Variants in ABR observed in about 807,000 individuals in gnomAD.
ABR encodes the protein ABR activator of RhoGEF and GTPase, also known as active breakpoint cluster region-related protein.
Under a neutral mutation model 107.2 loss-of-function variants are expected in ABR, and 35 were observed. That is an observed-to-expected ratio of 0.33 (90% CI 0.25 to 0.43). ABR has a LOEUF of 0.43. Among genes scored for constraint, ABR ranks in the 20% least tolerant of loss-of-function variants. ABR has a pLI of 1.00. For synonymous variants in ABR, 498 were observed against 462.0 expected (o/e 1.08, Z -1.00); for missense variants, 815 against 1,115.2 (o/e 0.73, Z 3.83).
At chr17:1,083,761 G>C (rs2036417299) in intron 4 of ABR, 134 bp from the exon 5 acceptor site, 1 of 706,614 alleles carries the variant, frequency 1.4e-6, no homozygotes, top group African/African-American at 1.7e-5. Flanking sequence ...TGGGAACTTG[G>C]GGAAACGCAG....
intron 2 of ABR, among the ~76,000 whole-genome samples, chr17:1,123,204 C>T (rs914676035): frequency 7.9e-5 from 12 of 152,102 alleles, no homozygotes; most frequent in African/African-American, 2.2e-4. Context: ...GCAGGTGCCG[C>T]GGATGGGACC....
intron 16 of ABR, among the ~76,000 whole-genome samples, chr17:1,043,588 G>A (rs1279732582): frequency 3.9e-5 from 6 of 152,158 alleles, no homozygotes; most frequent in African/African-American, 7.2e-5. Context: ...GTACAGTAGC[G>A]CAATCCTTAG....
At chr17:1,217,499 A>G (rs759172304) in intron 1 of ABR, among the ~76,000 whole-genome samples, 30 of 152,286 alleles carry the variant, frequency 2.0e-4, no homozygotes, top group Non-Finnish European at 3.2e-4. Flanking sequence ...GGTATGTTAT[A>G]TACATATTGA....
Position 1,125,205 on chromosome 17 carries a change from G to A in ABR, c.224C>T (p.Pro75Leu), listed in dbSNP as rs760322811. The change falls in exon 2 of 23, where the codon CCA (proline) becomes CTA (leucine). Residue 75 changes from proline (P) to leucine (L), a missense_variant. Physicochemically the swap from Pro to Leu is moderately conservative, Grantham distance 98. This residue lies in a region of ABR where 129 missense variants were observed against 124.8 expected (regional missense o/e 1.03). Transcript: ENST00000302538. Reference protein sequence around the residue: ...QGGGDGVSPTPPEGLAPGVEA... With the variant: ...QGGGDGVSPTLPEGLAPGVEA... ...TACCCCAGGAGCCAGTCCCTCAGGT[G>A]GAGTCGGGGAGACGCCATCCCCCCC... The A allele has an allele frequency of 1.9e-6, 3 of 1,597,608 alleles. No individual in the cohort carries two copies. Among genetic ancestry groups the A allele is most frequent in the Non-Finnish European group, 2.6e-6 (3 of 1,170,450 alleles).
intron 16 of ABR, among the ~76,000 whole-genome samples, chr17:1,032,027 C>T (rs2041968956): frequency 6.6e-6 from 1 of 151,566 alleles, no homozygotes; most frequent in African/African-American, 2.4e-5. Flanking sequence ...GGGTTTCATC[C>T]CTGGCAAGGG....
At chr17:1,215,637 G>C (rs8070433) in intron 1 of ABR, among the ~76,000 whole-genome samples, 1 of 147,308 alleles carries the variant, frequency 6.8e-6, no homozygotes, top group African/African-American at 2.5e-5. Flanking sequence ...AGTGCCCAGA[G>C]TGCAGCCTCT....
rs2042651427 is a variant in ABR, at chr17:1,200,522, C to CAGGT, written c.838+28267_838+28270dup. ...CCAATCCCCCATGAAAATGGAGGGA[C>CAGGT]AGGTGTAATTGGAGTGGCTCTCCAG... On this transcript the variant is annotated intron_variant, in intron 1 of 22. Coordinates refer to the ABR transcript ENST00000574139. The surrounding 1 kb of genome is among the most constrained non-coding windows in gnomAD (Gnocchi z 4.1). Among the ~76,000 whole-genome samples the CAGGT allele has an allele frequency of 6.6e-6, 1 of 152,064 alleles. No homozygotes were observed. The highest frequency in any genetic ancestry group is 6.6e-5 in the Admixed American group (1 of 15,256).
At chr17:1,018,082 G>A (rs147995148) in intron 16 of ABR, among the ~76,000 whole-genome samples, 6,200 of 150,042 alleles carry the variant, frequency 0.041, 170 homozygotes, top group East Asian at 0.057. Context: ...TTGCTCTGTC[G>A]CCCAGGCTGG....
chr17:1,193,638 C>A (rs577076007), intron 1 of ABR, among the ~76,000 whole-genome samples: 21 of 152,152 alleles, frequency 1.4e-4, no homozygotes, highest in African/African-American at 5.1e-4. Context: ...CCAGGGAGTA[C>A]TGGCAACTGA....
In ABR at chr17:1,061,007, C is replaced by CA. The variant is rs1345800921; in HGVS notation, c.1183-2141dup. On this transcript the variant is annotated intron_variant, in intron 10 of 22. Transcript: ENST00000302538. Reference sequence around the variant, plus strand: ...AGTGAGACTCCATCTCAAAAAAAAACAAAAAACAAAAAACAAATCACTGCT... The same window carrying CA: ...AGTGAGACTCCATCTCAAAAAAAAACAAAAAAACAAAAAACAAATCACTGCT... 2.0e-5 allele frequency among the ~76,000 whole-genome samples: 3 copies of CA among 151,422 alleles called. 1 individual carries two copies. The highest frequency in any genetic ancestry group is 6.6e-5 in the Admixed American group (1 of 15,174).
In ABR at chr17:1,050,635, C is replaced by A; in HGVS notation, c.1562-1G>T. 1 of 1,613,434 alleles carries A rather than the reference C, an allele frequency of 6.2e-7. No homozygotes were observed. Among genetic ancestry groups the A allele is most frequent in the Non-Finnish European group, 8.5e-7 (1 of 1,179,620 alleles). On this transcript the variant is annotated splice_acceptor_variant, in intron 14 of 22. Coordinates refer to ENST00000302538, the MANE Select transcript of ABR (RefSeq NM_021962.5). LOFTEE classifies it high-confidence loss of function. This position sits in a 1 kb window ranked among gnomAD's most constrained non-coding sequence, Gnocchi z 4.6. ...TCCACCTCCAGGGTACAGTACAGGTCTGTGGGGGAAGGACAGACGGAGATA... is the reference window on the plus strand; with the variant it reads ...TCCACCTCCAGGGTACAGTACAGGTATGTGGGGGAAGGACAGACGGAGATA...
intron 10 of ABR, among the ~76,000 whole-genome samples, chr17:1,065,853 C>G (rs545405006): frequency 6.7e-6 from 1 of 149,026 alleles, no homozygotes; most frequent in Non-Finnish European, 1.5e-5. Flanking sequence ...TCAAGCAATT[C>G]TCCTGTCTCA....
chr17:1,222,349 G>A (rs1018265496), intron 1 of ABR, among the ~76,000 whole-genome samples: 5 of 152,100 alleles, frequency 3.3e-5, no homozygotes, highest in East Asian at 3.9e-4. Context: ...ACAGGCGTAC[G>A]TGAGCCACCG....
At position 1,070,543 on chromosome 17, in the gene ABR, G is replaced by A. The variant is rs978566201; in HGVS notation, c.895-453C>T. Among the ~76,000 whole-genome samples, 5 of 152,068 alleles carry A rather than the reference G, an allele frequency of 3.3e-5. No homozygotes were observed. The highest frequency in any genetic ancestry group is 4.8e-5 in the African/African-American group (2 of 41,412). On this transcript the variant is annotated intron_variant, in intron 8 of 22. Transcript: ENST00000302538. This position sits in a 1 kb window ranked among gnomAD's most constrained non-coding sequence, Gnocchi z 4.2. ...TGCAATCCCTCCCGACCGCGGCGGC[G>A]AACTTCATCTAGCCCCGGCTCAACC...
At chr17:1,226,493 G>T (rs1001570819) in intron 1 of ABR, among the ~76,000 whole-genome samples, 1 of 143,652 alleles carries the variant, frequency 7.0e-6, no homozygotes, top group Admixed American at 6.8e-5. Flanking sequence ...ATGTGTATAC[G>T]TGTAGGTGTG....
chr17:1,172,366 T>G (rs1160016774), intron 1 of ABR, among the ~76,000 whole-genome samples: 1 of 152,172 alleles, frequency 6.6e-6, no homozygotes, highest in Admixed American at 6.5e-5. Context: ...CTGGGTCAGG[T>G]TCTCCTCAAG....
At chr17:1,227,689 T>C (rs1051011664) in intron 1 of ABR, among the ~76,000 whole-genome samples, 1 of 152,154 alleles carries the variant, frequency 6.6e-6, no homozygotes, top group Admixed American at 6.5e-5. Flanking sequence ...AAATTCCTGG[T>C]TGCAGCTTGA....
chr17:1,179,837 G>A lies in ABR; in HGVS notation c.-110C>T. The stretch of plus-strand genomic sequence containing the variant: ...CGAAGTTGCGAGCGCGGAGGGGCGA[G>A]GAGGCCGGGAACCAGGTCCCCGGGA... On this transcript the variant is annotated 5_prime_UTR_variant, in exon 1 of 23. Transcript: ENST00000302538. This position sits in a 1 kb window ranked among gnomAD's most constrained non-coding sequence, Gnocchi z 4.9. 1.7e-6 allele frequency: 2 copies of A among 1,176,202 alleles called. No individual in the cohort carries two copies. The highest frequency in any genetic ancestry group is 1.1e-6 in the Non-Finnish European group (1 of 894,064). 72.9% of individuals were successfully genotyped at this position (1,176,202 alleles called of 1,614,324 possible).
chr17:1,188,482 G>A (rs148578937), upstream of ABR, among the ~76,000 whole-genome samples: 4 of 152,022 alleles, frequency 2.6e-5, no homozygotes, highest in Admixed American at 6.6e-5. Flanking sequence ...CCTGGGAGGC[G>A]GAGCTTGCAG....
Sources: allele counts gnomAD v4.1 joint callset (sites outside exome capture counted in the v4.1 genomes callset), GRCh38; gene constraint gnomAD v4.1.1; regional missense constraint gnomAD v4.1.1; non-coding constraint Gnocchi (gnomAD v3.1); transcripts MANE v1.5; gene names NCBI Gene and HGNC (gene_info 2026-07-23, HGNC 2026-07-21).